The following ZNF704 variants were observed in gnomAD, a reference collection of about 807,000 sequenced individuals.
ZNF704 encodes the protein glucocorticoid induced gene 1.
Under a neutral mutation model 44.7 loss-of-function variants are expected in ZNF704, and 10 were observed. The observed-to-expected ratio is 0.22, with a 90% CI of 0.14 to 0.38. ZNF704 has a LOEUF of 0.38. ZNF704 is among the 10% of genes least tolerant of loss of function. The probability of loss-of-function intolerance (pLI) is 1.00; values close to 1 mark genes in which losing one functional copy is unlikely to be tolerated. For missense variants in ZNF704, 390 were observed against 545.5 expected (o/e 0.71, Z 2.84); for synonymous variants, 211 against 207.6 (o/e 1.02, Z -0.14).
At chr8:80,793,535 A>G (rs916846208) in intron 2 of ZNF704, among the ~76,000 whole-genome samples, 3 of 152,126 alleles carry the variant, frequency 2.0e-5, no homozygotes, top group African/African-American at 7.2e-5. Context: ...TAAGCCCATT[A>G]TTTAGAAAAG....
intron 2 of ZNF704, among the ~76,000 whole-genome samples, chr8:80,820,287 A>G (rs1277942135): frequency 6.6e-6 from 1 of 152,210 alleles, no homozygotes. Context: ...AGAAAGTAAA[A>G]GGTCTAATAT....
chr8:80,786,183 T>C (rs767889208), intron 2 of ZNF704, among the ~76,000 whole-genome samples: 9 of 152,158 alleles, frequency 5.9e-5, no homozygotes, highest in Non-Finnish European at 1.0e-4. Context: ...GGATCACTTA[T>C]GCCTGGGAGG....
chr8:80,773,174 CTGTT>C (rs1367995503), intron 2 of ZNF704, among the ~76,000 whole-genome samples: 4 of 152,162 alleles, frequency 2.6e-5, no homozygotes, highest in Non-Finnish European at 4.4e-5. Context: ...ATGGTATGGA[CTGTT>C]TGTTTCACTG....
At chr8:80,808,397 A>C (rs184180545) in intron 2 of ZNF704, among the ~76,000 whole-genome samples, 1 of 152,214 alleles carries the variant, frequency 6.6e-6, no homozygotes, top group African/African-American at 2.4e-5. Context: ...GTGAATCACA[A>C]AGTGCATCTC....
chr8:80,818,947 C>T (rs1164117990), intron 2 of ZNF704, among the ~76,000 whole-genome samples: 2 of 152,098 alleles, frequency 1.3e-5, no homozygotes, highest in Non-Finnish European at 2.9e-5. Flanking sequence ...AGAGTTTGAT[C>T]ATTATAATCC....
At chr8:80,844,827 C>CTTTT (rs1376195622) in intron 1 of ZNF704, among the ~76,000 whole-genome samples, 1 of 144,914 alleles carries the variant, frequency 6.9e-6, no homozygotes, top group Non-Finnish European at 1.5e-5. Context: ...TTTTTCTTCT[C>CTTTT]TTTTTATTTA....
intron 2 of ZNF704, among the ~76,000 whole-genome samples, chr8:80,700,561 A>C (rs1315759192): frequency 6.6e-6 from 1 of 152,234 alleles, no homozygotes; most frequent in African/African-American, 2.4e-5. Flanking sequence ...AACGATTCTC[A>C]GGTTAAAAAC....
At chr8:80,658,991 A>G (rs543784433) in intron 7 of ZNF704, among the ~76,000 whole-genome samples, 10 of 152,352 alleles carry the variant, frequency 6.6e-5, no homozygotes, top group Admixed American at 6.5e-4. Flanking sequence ...TATTTTTTAA[A>G]TGAATGGTTA....
chr8:80,637,424 A>T lies in ZNF704; in HGVS notation c.*3942T>A, dbSNP rs1441838816. 6.6e-6 allele frequency: 1 copy of T among 152,240 alleles called. No individual in the cohort carries two copies. Among genetic ancestry groups the T allele is most frequent in the Non-Finnish European group, 1.5e-5 (1 of 68,050 alleles). 9.4% of individuals were successfully genotyped at this position (152,240 alleles called of 1,614,324 possible). On this transcript the variant is annotated 3_prime_UTR_variant, in exon 9 of 9. Transcript: ENST00000327835. ...CTCAACCTTTGCAAGTGAATGCTGC[A>T]CTTTGGAGTCTGATGAAGGGGGAAC...
chr8:80,761,514 T>C (rs537304162), intron 2 of ZNF704, among the ~76,000 whole-genome samples: 7 of 152,172 alleles, frequency 4.6e-5, no homozygotes, highest in African/African-American at 1.7e-4. Flanking sequence ...ATCCCTAACA[T>C]CTAAAATCCT....
intron 1 of ZNF704, among the ~76,000 whole-genome samples, chr8:80,858,635 A>T (rs1359167049): frequency 6.6e-6 from 1 of 152,118 alleles, no homozygotes; most frequent in East Asian, 1.9e-4. Context: ...CGGGAGGCTG[A>T]GGCCGTGCCA....
chr8:80,649,335 C>T (rs1817878497), intron 7 of ZNF704, among the ~76,000 whole-genome samples: 1 of 152,138 alleles, frequency 6.6e-6, no homozygotes. Context: ...GTGGGTGCAG[C>T]ACACCGAGTG....
intron 1 of ZNF704, among the ~76,000 whole-genome samples, chr8:80,855,245 T>C (rs894657045): frequency 6.6e-6 from 1 of 152,204 alleles, no homozygotes; most frequent in Admixed American, 6.5e-5. Context: ...ATTATTGATA[T>C]ATGTTCTTGT....
chr8:80,666,435 G>A (rs1818196033), intron 5 of ZNF704, among the ~76,000 whole-genome samples: 1 of 151,084 alleles, frequency 6.6e-6, no homozygotes, highest in African/African-American at 2.4e-5. Flanking sequence ...ACGTGTGCAT[G>A]TGTCTTTATA....
At chr8:80,850,533 T>C (rs1270613502) in intron 1 of ZNF704, among the ~76,000 whole-genome samples, 2 of 152,098 alleles carry the variant, frequency 1.3e-5, no homozygotes, top group South Asian at 4.1e-4. Flanking sequence ...CATCATCCCA[T>C]CCTTTCACCC....
chr8:80,863,175 AT>A (rs1809098393), intron 1 of ZNF704, among the ~76,000 whole-genome samples: 1 of 152,144 alleles, frequency 6.6e-6, no homozygotes, highest in Non-Finnish European at 1.5e-5. Flanking sequence ...TTTTTCTAAT[AT>A]TTTGTTACAT....
the ZNF704 span, among the ~76,000 whole-genome samples, chr8:80,879,935 G>A: frequency 1.3e-5 from 2 of 152,140 alleles, no homozygotes; most frequent in African/African-American, 4.8e-5. Flanking sequence ...AAAAAACAGG[G>A]CAGAAGAGGA....
At chr8:80,694,266 G>C (rs565140230) in intron 2 of ZNF704, 3 of 152,350 alleles carry the variant, frequency 2.0e-5, no homozygotes, top group Non-Finnish European at 2.9e-5. Flanking sequence ...CATTCACTGA[G>C]ATGAAGAGGT....
At chr8:80,761,561 T>C (rs1807131385) in intron 2 of ZNF704, among the ~76,000 whole-genome samples, 1 of 152,132 alleles carries the variant, frequency 6.6e-6, no homozygotes, top group Non-Finnish European at 1.5e-5. Flanking sequence ...ATCTTGAAAA[T>C]ATAATTCTGA....
Sources: gnomAD v4.1 joint callset for allele counts (sites outside exome capture counted in the v4.1 genomes callset) on GRCh38, gnomAD v4.1.1 for gene constraint, MANE v1.5 for transcripts, NCBI Gene and HGNC (gene_info 2026-07-23, HGNC 2026-07-21) for gene names.